GAS7: variants seen among roughly 807,000 people sequenced by gnomAD.
GAS7 encodes the protein growth arrest-specific protein 7.
GAS7 carries 28 observed loss-of-function variants against 71.1 expected under a neutral mutation model. The observed-to-expected ratio is 0.39, with a 90% confidence interval of 0.29 to 0.54. The LOEUF is 0.54. Among genes scored for constraint, GAS7 ranks in the 20% least tolerant of loss-of-function variants. The pLI is 0.62. For missense variants in GAS7, 436 were observed against 627.8 expected (o/e 0.69, Z 3.27); for synonymous variants, 258 against 245.8 (o/e 1.05, Z -0.46).
In GAS7 at chr17:9,974,422, G is replaced by C. The variant is rs1366472242; in HGVS notation, c.386-4660C>G. Among the ~76,000 whole-genome samples, 1 of 151,984 alleles carries C rather than the reference G, an allele frequency of 6.6e-6. No homozygotes were observed. The highest frequency in any genetic ancestry group is 1.5e-5 in the Non-Finnish European group (1 of 67,986). On this transcript the variant is annotated intron_variant, in intron 3 of 13. Transcript: ENST00000432992. This position sits in a 1 kb window ranked among gnomAD's most constrained non-coding sequence, Gnocchi z 4.0. ...ACAAAACAAATGAGGCGAGAAGTGG[G>C]TGCTTCTGGGGCCTCCAGCCTCTGG...
At chr17:9,976,002 G>T (rs1161721922) in intron 3 of GAS7, among the ~76,000 whole-genome samples, 1 of 152,210 alleles carries the variant, frequency 6.6e-6, no homozygotes, top group African/African-American at 2.4e-5. Flanking sequence ...GGCCTCGCAG[G>T]TTCCTTGGTC....
intron 2 of GAS7, among the ~76,000 whole-genome samples, chr17:10,001,103 AC>A (rs1464568422): frequency 6.6e-6 from 1 of 152,228 alleles, no homozygotes; most frequent in Non-Finnish European, 1.5e-5. Context: ...GATGGCCAGA[AC>A]ATAAGACCAC....
chr17:9,946,937 TGCTGTTCCG>T lies in GAS7; in HGVS notation c.563_571del (p.Pro188_Gln190del). The T allele has an allele frequency of 6.2e-7, 1 of 1,613,698 alleles. No homozygotes were observed. The highest frequency in any genetic ancestry group is 8.5e-7 in the Non-Finnish European group (1 of 1,179,598). ...GCTCCACTCGGTTGGTTTCAGCAGC[TGCTGTTCCG>T]GCATCGTGTCTGGGTGAGGGAACGT... On this transcript the variant is annotated inframe_deletion, in exon 6 of 14. Coordinates refer to ENST00000432992, the MANE Select transcript of GAS7 (RefSeq NM_201433.2).
At chr17:10,001,938 C>G (rs1467819663) in intron 2 of GAS7, among the ~76,000 whole-genome samples, 1 of 152,152 alleles carries the variant, frequency 6.6e-6, no homozygotes, top group Non-Finnish European at 1.5e-5. Flanking sequence ...ACAAGCCACC[C>G]TTCCTGCTGC....
chr17:10,036,442 A>C, intron 1 of GAS7: 1 of 1,612,952 alleles, frequency 6.2e-7, no homozygotes, highest in Non-Finnish European at 8.5e-7. Context: ...ACCATCAGAG[A>C]ACAGCTAACC....
rs564857450 is a variant in GAS7, at chr17:9,979,286, C to G, written c.385+2518G>C. ...ACCTTAGGAAATACTACCCCAGCAC[C>G]CTGGGGATGGGGGCAGAGGGGGACA... On this transcript the variant is annotated intron_variant, in intron 3 of 13. Coordinates refer to ENST00000432992, the MANE Select transcript of GAS7 (RefSeq NM_201433.2). 3.9e-5 allele frequency among the ~76,000 whole-genome samples: 6 copies of G among 152,282 alleles called. No homozygotes were observed. The South Asian group carries it at 1.2e-3, about 32-fold the overall frequency.
intron 3 of GAS7, among the ~76,000 whole-genome samples, chr17:9,971,251 A>G (rs1188740493): frequency 6.6e-6 from 1 of 151,918 alleles, no homozygotes; most frequent in African/African-American, 2.4e-5. Flanking sequence ...AATAGAAAAA[A>G]TTTAAAAAAA....
At chr17:9,952,403 T>C (rs940437155) in intron 5 of GAS7, among the ~76,000 whole-genome samples, 2 of 152,190 alleles carry the variant, frequency 1.3e-5, no homozygotes, top group East Asian at 1.9e-4. Flanking sequence ...TTTTCTTTTT[T>C]TTTTTGAGAT....
chr17:9,986,575 G>A (rs1028730460), intron 2 of GAS7, among the ~76,000 whole-genome samples: 1 of 152,190 alleles, frequency 6.6e-6, no homozygotes, highest in Non-Finnish European at 1.5e-5. Context: ...GCAGCCAGCA[G>A]CTCCGGGGGC....
chr17:10,009,164 CA>C (rs2071656805), intron 2 of GAS7, among the ~76,000 whole-genome samples: 2 of 150,952 alleles, frequency 1.3e-5, no homozygotes, highest in African/African-American at 2.4e-5. Context: ...ACTAAAAATA[CA>C]AAAAAATTAG....
intron 1 of GAS7, among the ~76,000 whole-genome samples, chr17:10,140,010 T>C (rs1339981589): frequency 2.6e-4 from 40 of 152,206 alleles, no homozygotes; most frequent in Admixed American, 2.6e-3. Context: ...TTCCAGCTCA[T>C]GCCCACAGGT....
In GAS7 at chr17:9,917,124, A is replaced by C. The variant is rs1029119606; in HGVS notation, c.*104T>G. ...ATCACCAGCTCTCTCCCCTCTCCTCAGTGGCCCAGGAGAGAGGGTGGGGGG... is the reference window on the plus strand; with the variant it reads ...ATCACCAGCTCTCTCCCCTCTCCTCCGTGGCCCAGGAGAGAGGGTGGGGGG... On this transcript the variant is annotated 3_prime_UTR_variant, in exon 14 of 14. Transcript: ENST00000432992. 2 of 772,824 alleles carry C rather than the reference A, an allele frequency of 2.6e-6. No homozygotes were observed. The highest frequency in any genetic ancestry group is 1.7e-5 in the African/African-American group (1 of 58,840). 47.9% of individuals were successfully genotyped at this position (772,824 alleles called of 1,614,324 possible).
intron 2 of GAS7, among the ~76,000 whole-genome samples, chr17:10,002,745 CT>C (rs1483451902): frequency 6.6e-6 from 1 of 152,254 alleles, no homozygotes; most frequent in South Asian, 2.1e-4. Flanking sequence ...TGACCTCATC[CT>C]TTTTTATGGC....
At chr17:10,154,956 A>AC in intron 1 of GAS7, among the ~76,000 whole-genome samples, 2 of 138,620 alleles carry the variant, frequency 1.4e-5, no homozygotes, top group South Asian at 2.3e-4. Context: ...ACACACACAC[A>AC]AAACCCATGT....
intron 7 of GAS7, among the ~76,000 whole-genome samples, chr17:9,942,446 A>T (rs1284687401): frequency 6.6e-6 from 1 of 152,054 alleles, no homozygotes; most frequent in Non-Finnish European, 1.5e-5. Context: ...AAGGAGATAG[A>T]GAAGGAACTT....
chr17:9,940,224 C>T (rs755522785), intron 7 of GAS7, 24 bp from the exon 8 acceptor site: 3 of 1,593,040 alleles, frequency 1.9e-6, no homozygotes, highest in Admixed American at 1.7e-5. Context: ...AAACCCAACA[C>T]ACATCAGCTC....
intron 5 of GAS7, among the ~76,000 whole-genome samples, chr17:9,957,654 G>C (rs1028947646): frequency 6.7e-6 from 1 of 148,508 alleles, no homozygotes; most frequent in Admixed American, 6.8e-5. Flanking sequence ...CAGCATTCTG[G>C]GGCATTTTGT....
intron 1 of GAS7, among the ~76,000 whole-genome samples, chr17:10,076,458 G>C (rs1051546734): frequency 6.7e-6 from 1 of 150,246 alleles, no homozygotes; most frequent in Non-Finnish European, 1.5e-5. Context: ...GGAGGGAAAG[G>C]AAAGGAAAGG....
At chr17:10,060,729 C>T (rs945419111) in intron 1 of GAS7, among the ~76,000 whole-genome samples, 2 of 152,224 alleles carry the variant, frequency 1.3e-5, no homozygotes, top group African/African-American at 4.8e-5. Flanking sequence ...AATTCTCACA[C>T]GTTGCTCGTG....
Sources: allele counts gnomAD v4.1 joint callset (sites outside exome capture counted in the v4.1 genomes callset), GRCh38; gene constraint gnomAD v4.1.1; non-coding constraint Gnocchi (gnomAD v3.1); transcripts MANE v1.5; gene names NCBI Gene and HGNC (gene_info 2026-07-23, HGNC 2026-07-21).